Variants in CNTNAP5 observed in about 807,000 individuals in gnomAD.
The protein encoded by CNTNAP5 is contactin associated protein family member 5.
In CNTNAP5, 72 loss-of-function variants were observed where a neutral mutation model predicts 150.2. The observed-to-expected ratio is 0.48, with a 90% CI of 0.40 to 0.58. CNTNAP5 has a LOEUF of 0.58. CNTNAP5 is among the 20% of genes least tolerant of loss of function. The pLI is 0.00. For missense variants in CNTNAP5, 1,636 were observed against 1,626.2 expected, an observed-to-expected ratio of 1.01 and a Z score of -0.10; for synonymous variants, 672 against 619.8, an observed-to-expected ratio of 1.08 and a Z score of -1.25.
chr2:124,032,515 A>G (rs1194164417), intron 1 of CNTNAP5, among the ~76,000 whole-genome samples: 6 of 152,144 alleles, frequency 3.9e-5, no homozygotes. Context: ...AACTCAAGTG[A>G]CAATTAGTAA....
rs529795416 is a variant in CNTNAP5 at position 124,780,585 on chromosome 2, C to T, written c.2752+7568C>T. On this transcript the variant is annotated intron_variant, in intron 17 of 23. Transcript: ENST00000682447. ...TTCAAATTACTATATGGTTCACATA[C>T]GCCTGCTTCAAAATTGTTATTGGTA... is the stretch of plus-strand genomic sequence containing the variant. 2.1e-4 allele frequency among the ~76,000 whole-genome samples: 32 copies of T among 152,278 alleles called. No homozygotes were observed. In the South Asian group the frequency reaches 4.8e-3, roughly 23 times the overall value.
At chr2:124,531,656 T>G (rs1272539912) in intron 10 of CNTNAP5, among the ~76,000 whole-genome samples, 2 of 152,156 alleles carry the variant, frequency 1.3e-5, no homozygotes, top group Admixed American at 1.3e-4. Context: ...TATGTCAGTG[T>G]TCTCAAGGTC....
At chr2:124,855,541 G>C (rs1351425330) in intron 19 of CNTNAP5, among the ~76,000 whole-genome samples, 1 of 152,084 alleles carries the variant, frequency 6.6e-6, no homozygotes, top group Non-Finnish European at 1.5e-5. Context: ...ATTAATAAAA[G>C]TGTGGAAAAC....
chr2:124,536,156 T>A (rs113682658), intron 10 of CNTNAP5, among the ~76,000 whole-genome samples: 1 of 152,190 alleles, frequency 6.6e-6, no homozygotes, highest in African/African-American at 2.4e-5. Flanking sequence ...ACTCATGGGA[T>A]GGGGCCAAAA....
chr2:124,675,851 A>C (rs966550988), intron 13 of CNTNAP5, among the ~76,000 whole-genome samples: 1 of 152,154 alleles, frequency 6.6e-6, no homozygotes, highest in African/African-American at 2.4e-5. Flanking sequence ...TAATTAGTTC[A>C]ACATTTGGTC....
At chr2:124,125,225 A>T (rs1359069152) in intron 1 of CNTNAP5, among the ~76,000 whole-genome samples, 1 of 152,206 alleles carries the variant, frequency 6.6e-6, no homozygotes, top group East Asian at 1.9e-4. Context: ...AAGATCTACC[A>T]AGCAAATGGA....
chr2:124,080,364 T>A (rs1225250710), intron 1 of CNTNAP5, among the ~76,000 whole-genome samples: 1 of 152,206 alleles, frequency 6.6e-6, no homozygotes, highest in East Asian at 1.9e-4. Flanking sequence ...TCTTGTTCCA[T>A]AAATAGTCTT....
At chr2:124,437,536 A>G (rs899402712) in intron 5 of CNTNAP5, among the ~76,000 whole-genome samples, 2 of 152,036 alleles carry the variant, frequency 1.3e-5, no homozygotes, top group Non-Finnish European at 2.9e-5. Context: ...GTTTTAGAAA[A>G]CCGGAAAATA....
intron 19 of CNTNAP5, among the ~76,000 whole-genome samples, chr2:124,839,677 G>A (rs1682905729): frequency 6.6e-6 from 1 of 152,002 alleles, no homozygotes; most frequent in Non-Finnish European, 1.5e-5. Context: ...ACTGATTCCT[G>A]AAACTTCTGC....
intron 8 of CNTNAP5, among the ~76,000 whole-genome samples, chr2:124,520,934 G>A (rs1331016268): frequency 1.3e-5 from 2 of 152,182 alleles, no homozygotes; most frequent in Admixed American, 1.3e-4. Flanking sequence ...ACCTCAGAGA[G>A]TCTCTAGGGA....
chr2:124,451,047 A>ATATATATATATATAT (rs1426752191), intron 6 of CNTNAP5, among the ~76,000 whole-genome samples: 1 of 73,606 alleles, frequency 1.4e-5, no homozygotes, highest in Non-Finnish European at 2.7e-5. Context: ...AAAAAAAAAA[A>ATATATATATATATAT]AAAAATATAT....
chr2:124,083,361 AAAAT>A (rs945121611), intron 1 of CNTNAP5, among the ~76,000 whole-genome samples: 1 of 152,136 alleles, frequency 6.6e-6, no homozygotes, highest in Non-Finnish European at 1.5e-5. Flanking sequence ...TCCATCTCAA[AAAAT>A]AAATAAATAA....
intron 12 of CNTNAP5, among the ~76,000 whole-genome samples, chr2:124,626,908 C>G (rs113583986): frequency 6.6e-6 from 1 of 152,192 alleles, no homozygotes; most frequent in Non-Finnish European, 1.5e-5. Context: ...TTAGTTTTCC[C>G]CTGACAGTGC....
rs536830310 is a variant in CNTNAP5 at position 124,221,056 on chromosome 2, T to C, written c.83-649T>C. ...CTCATCAAAGAATCCTTAGAAAGAA[T>C]ACTTTCCACATTTAGGATAGGTTGG... On this transcript the variant is annotated intron_variant, in intron 1 of 23. Coordinates refer to ENST00000682447, the MANE Select transcript of CNTNAP5 (RefSeq NM_001367498.1). Among the ~76,000 whole-genome samples the C allele has an allele frequency of 7.2e-5, 11 of 152,236 alleles. No homozygotes were observed. In the East Asian group the frequency reaches 2.1e-3, roughly 29 times the overall value.
At chr2:124,771,114 A>G (rs1681182435) in intron 16 of CNTNAP5, among the ~76,000 whole-genome samples, 1 of 152,178 alleles carries the variant, frequency 6.6e-6, no homozygotes, top group Non-Finnish European at 1.5e-5. Flanking sequence ...GCTTTCAGTT[A>G]AGGTTTAAAG....
rs576718567 is a variant in CNTNAP5, at chr2:124,091,757, G to C, written c.82+66025G>C. On this transcript the variant is annotated intron_variant, in intron 1 of 23. Transcript: ENST00000682447. ...TTGATCTGGACCCTGAAATAGGTCA[G>C]AGGTCCTCAATCCATGAAATCAGAT... Among the ~76,000 whole-genome samples, 35 of 152,304 alleles carry C rather than the reference G, an allele frequency of 2.3e-4. No individual in the cohort carries two copies. The South Asian group carries it at 3.1e-3, about 14-fold the overall frequency.
chr2:124,453,136 CAAGAAGTG>C, intron 6 of CNTNAP5, among the ~76,000 whole-genome samples: 1 of 151,694 alleles, frequency 6.6e-6, no homozygotes, highest in East Asian at 1.9e-4. Flanking sequence ...AAAAATCATG[CAAGAAGTG>C]AAGGGAGAAA....
chr2:124,608,755 A>G (rs1438560420), intron 11 of CNTNAP5, among the ~76,000 whole-genome samples: 1 of 151,924 alleles, frequency 6.6e-6, no homozygotes, highest in East Asian at 1.9e-4. Context: ...GACCAGCCTG[A>G]TCAATATGGT....
intron 13 of CNTNAP5, among the ~76,000 whole-genome samples, chr2:124,677,511 T>C (rs890885030): frequency 6.6e-6 from 1 of 152,178 alleles, no homozygotes; most frequent in African/African-American, 2.4e-5. Context: ...TTTTACAGAG[T>C]GCTGATTGGT....
Sources: gnomAD v4.1 joint callset for allele counts (sites outside exome capture counted in the v4.1 genomes callset) on GRCh38, gnomAD v4.1.1 for gene constraint, MANE v1.5 for transcripts, NCBI Gene and HGNC (gene_info 2026-07-23, HGNC 2026-07-21) for gene names.